The following ZRANB3 variants were observed in gnomAD, a reference collection of about 807,000 sequenced individuals.
ZRANB3 encodes DNA annealing helicase and endonuclease ZRANB3.
In ZRANB3, 125 loss-of-function variants were observed where a neutral mutation model predicts 133.8. The ratio of observed to expected loss-of-function variants is 0.93; its 90% CI spans 0.81 to 1.08. The LOEUF is 1.08. ZRANB3 is among the 50% of genes least tolerant of loss of function. The probability of loss-of-function intolerance (pLI) is 0.00; values close to 1 mark genes in which losing one functional copy is unlikely to be tolerated. For synonymous variants in ZRANB3, 387 were observed against 432.7 expected (o/e 0.89, Z 1.31); for missense variants, 1,229 against 1,275.5 (o/e 0.96, Z 0.56).
chr2:135,353,338 A>C (rs1685289558), intron 4 of ZRANB3, 112 bp downstream of exon 4: 1 of 613,626 alleles, frequency 1.6e-6, no homozygotes, highest in Non-Finnish European at 2.5e-6. Context: ...CATACTACTT[A>C]CTCCACTTCT....
chr2:135,258,364 A>G (rs556484117), intron 12 of ZRANB3, among the ~76,000 whole-genome samples: 10 of 152,276 alleles, frequency 6.6e-5, no homozygotes, highest in Admixed American at 6.5e-4. Context: ...GATGTGGTGG[A>G]GCCTTGGGGA....
chr2:135,434,370 G>A (rs1689441718), intron 2 of ZRANB3, among the ~76,000 whole-genome samples: 1 of 152,212 alleles, frequency 6.6e-6, no homozygotes, highest in South Asian at 2.1e-4. Flanking sequence ...TAAACAAAGA[G>A]AAGACTGAAT....
intron 1 of ZRANB3, among the ~76,000 whole-genome samples, chr2:135,525,731 C>A (rs1396249902): frequency 2.0e-5 from 3 of 151,528 alleles, no homozygotes; most frequent in African/African-American, 7.3e-5. Context: ...GCCTGTAATC[C>A]CAGCTACTCG....
chr2:135,403,467 G>A (rs533186918), intron 2 of ZRANB3, among the ~76,000 whole-genome samples: 4 of 152,334 alleles, frequency 2.6e-5, no homozygotes, highest in African/African-American at 7.2e-5. Flanking sequence ...AGCTCCAACT[G>A]TGTGGAGCCC....
intron 17 of ZRANB3, among the ~76,000 whole-genome samples, chr2:135,215,727 TA>T (rs1158251322): frequency 1.3e-5 from 2 of 152,206 alleles, no homozygotes; most frequent in African/African-American, 4.8e-5. Flanking sequence ...GCATAAAGTG[TA>T]AAGTCCCTAC....
At chr2:135,267,359 C>G (rs887776453) in intron 11 of ZRANB3, among the ~76,000 whole-genome samples, 2 of 151,944 alleles carry the variant, frequency 1.3e-5, no homozygotes, top group African/African-American at 4.8e-5. Flanking sequence ...ATAAAGCCAC[C>G]AGTCCCACTC....
chr2:135,429,009 T>A (rs985968215), intron 2 of ZRANB3, among the ~76,000 whole-genome samples: 1 of 152,166 alleles, frequency 6.6e-6, no homozygotes, highest in African/African-American at 2.4e-5. Flanking sequence ...AGAATTACCA[T>A]CTGACCTAGG....
At chr2:135,230,438 A>G in intron 13 of ZRANB3, 75 bp downstream of exon 13, 1 of 1,338,696 alleles carries the variant, frequency 7.5e-7, no homozygotes. Flanking sequence ...GGATAACAGC[A>G]GTCTCTAAAA....
chr2:135,404,726 G>A (rs1687922361), intron 2 of ZRANB3, among the ~76,000 whole-genome samples: 1 of 152,184 alleles, frequency 6.6e-6, no homozygotes, highest in Non-Finnish European at 1.5e-5. Flanking sequence ...CCCACAAAGG[G>A]AAGCCCATTA....
intron 2 of ZRANB3, among the ~76,000 whole-genome samples, chr2:135,477,730 A>C (rs775825817): frequency 5.9e-5 from 9 of 152,200 alleles, no homozygotes; most frequent in Non-Finnish European, 8.8e-5. Flanking sequence ...GTGGTGGCTC[A>C]GGTAAGTAAT....
At chr2:135,505,381 C>T (rs1228589155) in intron 1 of ZRANB3, among the ~76,000 whole-genome samples, 1 of 152,088 alleles carries the variant, frequency 6.6e-6, no homozygotes, top group African/African-American at 2.4e-5. Context: ...CAAGACCAGA[C>T]TGGCCAATAT....
chr2:135,443,101 G>A (rs1242646477), intron 2 of ZRANB3, among the ~76,000 whole-genome samples: 1 of 150,844 alleles, frequency 6.6e-6, no homozygotes, highest in Non-Finnish European at 1.5e-5. Flanking sequence ...AGGCTACAGA[G>A]GGAGACTCCA....
chr2:135,243,428 G>T (rs1167933604), intron 12 of ZRANB3, among the ~76,000 whole-genome samples: 1 of 152,102 alleles, frequency 6.6e-6, no homozygotes, highest in Admixed American at 6.5e-5. Flanking sequence ...CAGGGAACCC[G>T]GCAGGCAGAG....
At chr2:135,267,374 G>C (rs930686221) in intron 11 of ZRANB3, among the ~76,000 whole-genome samples, 1 of 151,890 alleles carries the variant, frequency 6.6e-6, no homozygotes, top group African/African-American at 2.4e-5. Context: ...CCACTCCTAT[G>C]ATAACCCATT....
At chr2:135,277,957 T>C (rs1437780904) in intron 8 of ZRANB3, among the ~76,000 whole-genome samples, 7 of 144,662 alleles carry the variant, frequency 4.8e-5, no homozygotes, top group Admixed American at 4.8e-4. Context: ...AAATATAAAA[T>C]GTAAAATAAT....
chr2:135,359,563 ACAGAATGAGACC>A (rs1346451070), intron 3 of ZRANB3, among the ~76,000 whole-genome samples: 1 of 150,914 alleles, frequency 6.6e-6, no homozygotes, highest in Non-Finnish European at 1.5e-5. Context: ...AGCCTGGGTG[ACAGAATGAGACC>A]CTGAAAAAAA....
chr2:135,349,392 C>G (rs1685089232), intron 5 of ZRANB3, among the ~76,000 whole-genome samples: 1 of 152,350 alleles, frequency 6.6e-6, no homozygotes, highest in African/African-American at 2.4e-5. Context: ...ACAGACATTT[C>G]TTCCATCATG....
intron 8 of ZRANB3, among the ~76,000 whole-genome samples, chr2:135,290,623 A>G (rs1313279989): frequency 6.6e-6 from 1 of 152,112 alleles, no homozygotes. Context: ...GTGAGGTACT[A>G]TTCTATTAAT....
chr2:135,405,730 T>C (rs572706646), intron 2 of ZRANB3, among the ~76,000 whole-genome samples: 1 of 152,080 alleles, frequency 6.6e-6, no homozygotes, highest in Non-Finnish European at 1.5e-5. Context: ...ACTGGGTACA[T>C]AACAAAATGA....
Sources: allele counts gnomAD v4.1 joint callset (sites outside exome capture counted in the v4.1 genomes callset), GRCh38; gene constraint gnomAD v4.1.1; transcripts MANE v1.5; gene names NCBI Gene and HGNC (gene_info 2026-07-23, HGNC 2026-07-21).